The following CDADC1 variants were observed in gnomAD, a reference collection of about 807,000 sequenced individuals.
The protein encoded by CDADC1 is dCTP deaminase.
In CDADC1, 39 loss-of-function variants were observed where a neutral mutation model predicts 54.9. The observed-to-expected ratio is 0.71, with a 90% CI of 0.55 to 0.93. The LOEUF (loss-of-function observed/expected upper bound fraction) is 0.93, where lower values mean the gene tolerates loss of function less well. Ranked by LOEUF, CDADC1 falls within the 40% of genes least tolerant of loss-of-function variation. The pLI, the probability that CDADC1 is intolerant of heterozygous loss-of-function variation, is 0.00. For synonymous variants in CDADC1, 186 were observed against 204.0 expected (o/e 0.91, Z 0.75); for missense variants, 518 against 618.8 (o/e 0.84, Z 1.73).
At chr13:49,258,247 T>C (rs9591249) in intron 3 of CDADC1, among the ~76,000 whole-genome samples, 92,564 of 152,096 alleles carry the variant, frequency 0.61, 29,429 homozygotes, top group South Asian at 0.76. Flanking sequence ...ATATGCTGTA[T>C]TGGGGGATAA....
At chr13:49,266,174 A>G (rs936610103) in intron 4 of CDADC1, among the ~76,000 whole-genome samples, 20 of 152,188 alleles carry the variant, frequency 1.3e-4, no homozygotes, top group Non-Finnish European at 1.9e-4. Flanking sequence ...ACAATCACAA[A>G]AAAAAAATCT....
rs146945581 is a variant in CDADC1 at position 49,292,362 on chromosome 13, CTT to C, written c.*607_*608del. ...ATTCTGTGGTCCTGTTTATCACAGA[CTT>C]TGGGTAGCAATAGGAAGAGAGTGTT... On this transcript the variant is annotated 3_prime_UTR_variant, in exon 10 of 10. Coordinates refer to ENST00000251108, the MANE Select transcript of CDADC1 (RefSeq NM_030911.4). 2.8e-3 allele frequency: 2,770 copies of C among 988,732 alleles called. 56 individuals carry two copies. In the African/African-American group the frequency reaches 0.042, roughly 15 times the overall value. The allele number at this position is 988,732 out of a possible 1,614,324, so 61.2% of individuals were successfully genotyped here. A position where few individuals can be genotyped will look rare whatever the true frequency, so the allele number is the denominator to read the frequency against.
chr13:49,281,245 G>C (rs1953325245), intron 8 of CDADC1, among the ~76,000 whole-genome samples: 2 of 152,160 alleles, frequency 1.3e-5, no homozygotes, highest in South Asian at 4.1e-4. Flanking sequence ...TCTCTGTAGA[G>C]AATTGAGCCA....
chr13:49,276,035 G>A (rs1271968969), intron 6 of CDADC1, among the ~76,000 whole-genome samples: 1 of 151,988 alleles, frequency 6.6e-6, no homozygotes, highest in African/African-American at 2.4e-5. Context: ...CCAAAGTGCT[G>A]GGATTACAGG....
chr13:49,255,197 C>T (rs1952515615), intron 2 of CDADC1, among the ~76,000 whole-genome samples: 1 of 152,192 alleles, frequency 6.6e-6, no homozygotes, highest in Admixed American at 6.5e-5. Context: ...CAGCAATGGC[C>T]AGTCAGGTCT....
At position 49,292,709 on chromosome 13, in the gene CDADC1, T is replaced by G; in HGVS notation, c.*952T>G. 1 of 1,263,524 alleles carries G rather than the reference T, an allele frequency of 7.9e-7. No homozygotes were observed. The highest frequency in any genetic ancestry group is 1.0e-6 in the Non-Finnish European group (1 of 977,966). The allele number at this position is 1,263,524 out of a possible 1,614,324, so 78.3% of individuals were successfully genotyped here. ...AGATTGCTGTCTGTGATTTCTCACA[T>G]TTTTATTTGCTGAGAAACATTCAGA... On this transcript the variant is annotated 3_prime_UTR_variant, in exon 10 of 10. Transcript: ENST00000251108.
At chr13:49,251,206 G>A (rs530904969) in intron 2 of CDADC1, among the ~76,000 whole-genome samples, 22 of 152,094 alleles carry the variant, frequency 1.4e-4, no homozygotes, top group African/African-American at 5.1e-4. Context: ...TCAAGAGATC[G>A]AGACCATCTT....
At chr13:49,249,910 A>T (rs1415991039) in intron 2 of CDADC1, among the ~76,000 whole-genome samples, 1 of 152,162 alleles carries the variant, frequency 6.6e-6, no homozygotes, top group African/African-American at 2.4e-5. Flanking sequence ...TTTCTGTTTG[A>T]TAATTTTGGA....
chr13:49,263,997 C>T (rs1952750648), intron 4 of CDADC1, among the ~76,000 whole-genome samples: 1 of 152,222 alleles, frequency 6.6e-6, no homozygotes, highest in African/African-American at 2.4e-5. Context: ...AAATACCACA[C>T]AGTGTTTTCT....
In CDADC1 at chr13:49,267,819, A is replaced by C. The variant is rs568628329; in HGVS notation, c.760A>C (p.Ile254Leu). ...LVSNEEMHKQ[I>L]LMTIGLENLC... is the part of the protein sequence containing the mutation. ...TTCAAATGAAGAAATGCATAAGCAA[A>C]TACTGATGACTATAGGTTTGGAGAA... The change falls in exon 5 of 10, where the codon ATA becomes CTA. Residue 254 changes from isoleucine (I) to leucine (L), a missense_variant. Physicochemically the swap from Ile to Leu is conservative, Grantham distance 5. Coordinates refer to ENST00000251108, the MANE Select transcript of CDADC1 (RefSeq NM_030911.4). The C allele has an allele frequency of 4.3e-6, 7 of 1,613,408 alleles. No individual in the cohort carries two copies. The South Asian group carries it at 6.6e-5, about 15-fold the overall frequency.
At chr13:49,287,139 C>T (rs900582932) in intron 9 of CDADC1, among the ~76,000 whole-genome samples, 20 of 152,110 alleles carry the variant, frequency 1.3e-4, no homozygotes, top group African/African-American at 2.9e-4. Flanking sequence ...TGCAGTGAGC[C>T]GAGATAGCGC....
chr13:49,257,172 C>G (rs769122901), intron 3 of CDADC1, among the ~76,000 whole-genome samples: 2 of 151,992 alleles, frequency 1.3e-5, no homozygotes, highest in Non-Finnish European at 2.9e-5. Flanking sequence ...TTGGCCTTAC[C>G]TAGATGCAAA....
At position 49,280,646 on chromosome 13, in the gene CDADC1, C is replaced by A; in HGVS notation, c.1358C>A (p.Ala453Glu). The part of the protein sequence containing the change: ...AGDVDVGKKK[A>E]DISYMRFGEL... The stretch of plus-strand genomic sequence containing the variant: ...GATGTAGATGTTGGAAAAAAGAAGG[C>A]AGACATCTCTTACATGAGGTTCGGG... The change falls in exon 8 of 10, where the codon GCA becomes GAA. Residue 453 changes from alanine to glutamate, a missense_variant. Transcript: ENST00000251108. 1 of 1,601,988 alleles carries A rather than the reference C, an allele frequency of 6.2e-7. No individual in the cohort carries two copies. The highest frequency in any genetic ancestry group is 2.3e-5 in the East Asian group (1 of 44,288).
intron 5 of CDADC1, among the ~76,000 whole-genome samples, chr13:49,270,809 A>G (rs923273986): frequency 1.3e-5 from 2 of 152,314 alleles, no homozygotes; most frequent in South Asian, 2.1e-4. Flanking sequence ...AACACCTACT[A>G]TGTGTCAAGC....
intron 5 of CDADC1, among the ~76,000 whole-genome samples, chr13:49,270,409 T>C (rs1952936592): frequency 6.6e-6 from 1 of 152,124 alleles, no homozygotes; most frequent in South Asian, 2.1e-4. Context: ...TTTGTAGATA[T>C]GTCTCACTGT....
At chr13:49,284,551 G>A (rs1217629290) in intron 8 of CDADC1, among the ~76,000 whole-genome samples, 2 of 152,014 alleles carry the variant, frequency 1.3e-5, no homozygotes, top group African/African-American at 4.8e-5. Flanking sequence ...CAAATTAATA[G>A]GTTTTAGTGG....
rs765155680 is a variant in CDADC1, at chr13:49,268,053, C to T, written c.994C>T (p.Arg332Ter). Reference protein sequence around the residue: ...CMVQARLLAYRTEDHKTGVGA... With the variant: ...CMVQARLLAY Reference sequence around the variant, plus strand: ...GGTTCAGGCCAGGTTATTGGCATATCGAACTGGTGAGTTACATAGATCGTA... The same window carrying T: ...GGTTCAGGCCAGGTTATTGGCATATTGAACTGGTGAGTTACATAGATCGTA... Residue 332 changes from arginine (R) to a stop codon, truncating the protein, a stop_gained, in exon 5 of 10, where the codon CGA (arginine) becomes TGA (stop). Transcript: ENST00000251108. LOFTEE classifies it high-confidence loss of function. 7 of 1,607,702 alleles carry T rather than the reference C, an allele frequency of 4.4e-6. No individual in the cohort carries two copies. The South Asian group carries it at 4.4e-5, about 10-fold the overall frequency.
In CDADC1 at chr13:49,267,863, C is replaced by T; in HGVS notation, c.804C>T (p.Tyr268=). 1 of 1,614,102 alleles carries T rather than the reference C, an allele frequency of 6.2e-7. No homozygotes were observed. The highest frequency in any genetic ancestry group is 8.5e-7 in the Non-Finnish European group (1 of 1,180,006). ...IGLENLCENP[Y]FSNLRQNMKD... ...TGGAGAACCTGTGTGAAAATCCATA[C>T]TTTAGCAATCTAAGGCAAAACATGA... Residue 268 remains tyrosine (Y), a synonymous_variant, in exon 5 of 10, where the codon TAC becomes TAT. Transcript: ENST00000251108.
rs1418088314 is a variant in CDADC1 at position 49,267,781 on chromosome 13, T to C, written c.722T>C (p.Met241Thr). 6.2e-7 allele frequency: 1 copy of C among 1,612,318 alleles called. No individual in the cohort carries two copies. Among genetic ancestry groups the C allele is most frequent in the African/African-American group, 1.3e-5 (1 of 74,942 alleles). The part of the protein sequence containing the change: ...CKQERIKEYE[M>T]LFLVSNEEMH... Reference sequence around the variant, plus strand: ...CAAGAAAGAATAAAAGAATATGAAATGTTATTTTTGGTTTCAAATGAAGAA... The same window carrying C: ...CAAGAAAGAATAAAAGAATATGAAACGTTATTTTTGGTTTCAAATGAAGAA... The change falls in exon 5 of 10, where the codon ATG becomes ACG. Residue 241 changes from methionine to threonine, a missense_variant. By Grantham distance (81) the Met-to-Thr change is moderately conservative (BLOSUM62 -1). Transcript: ENST00000251108.
Sources: allele counts gnomAD v4.1 joint callset (sites outside exome capture counted in the v4.1 genomes callset), GRCh38; gene constraint gnomAD v4.1.1; transcripts MANE v1.5; gene names NCBI Gene and HGNC (gene_info 2026-07-23, HGNC 2026-07-21).